PINX1: variants seen among roughly 807,000 people sequenced by gnomAD.
PINX1 encodes the protein PIN2 (TERF1) interacting telomerase inhibitor 1.
In PINX1, 34 loss-of-function variants were observed where a neutral mutation model predicts 25.4. The ratio of observed to expected loss-of-function variants is 1.34; its 90% CI spans 1.02 to 1.78. The LOEUF is 1.78. Among genes scored for constraint, PINX1 ranks in the 40% most tolerant of loss-of-function variants. The pLI, the probability that PINX1 is intolerant of heterozygous loss-of-function variation, is 0.00. For synonymous variants in PINX1, 197 were observed against 147.7 expected (o/e 1.33, Z -2.42); for missense variants, 592 against 404.9 (o/e 1.46, Z -3.97).
At chr8:10,781,592 A>C (rs939735515) in intron 6 of PINX1, among the ~76,000 whole-genome samples, 1 of 152,254 alleles carries the variant, frequency 6.6e-6, no homozygotes, top group Non-Finnish European at 1.5e-5. Context: ...AAGATGCTCA[A>C]CATCACTAAC....
At chr8:10,825,579 G>A (rs938082066) in intron 5 of PINX1, 1 of 401,728 alleles carries the variant, frequency 2.5e-6, no homozygotes, top group Non-Finnish European at 5.1e-6. Flanking sequence ...CTAGGGAGGT[G>A]GTGATGAAGG....
chr8:10,829,044 T>G (rs1289564725), intron 4 of PINX1, among the ~76,000 whole-genome samples: 1 of 152,154 alleles, frequency 6.6e-6, no homozygotes, highest in Admixed American at 6.5e-5. Context: ...CCCCAGCACC[T>G]TGAGAGGCTG....
chr8:10,811,678 G>A lies in PINX1; in HGVS notation c.471+8515C>T, dbSNP rs142341190. Among the ~76,000 whole-genome samples, 595 of 152,294 alleles carry A rather than the reference G, an allele frequency of 3.9e-3. 2 individuals are homozygous for A. The highest frequency in any genetic ancestry group is 0.034 in the Middle Eastern group (10 of 294). Reference sequence around the variant, plus strand: ...AGGCACCTGCTCCCCAGGCAAGCTCGGGGTGCCTGCATAACTCACTGATCA... The same window carrying A: ...AGGCACCTGCTCCCCAGGCAAGCTCAGGGTGCCTGCATAACTCACTGATCA... On this transcript the variant is annotated intron_variant, in intron 6 of 6. Coordinates refer to ENST00000314787, the MANE Select transcript of PINX1 (RefSeq NM_017884.6).
rs557261190 is a variant in PINX1 at position 10,804,941 on chromosome 8, C to T, written c.471+15252G>A. On this transcript the variant is annotated intron_variant, in intron 6 of 6. Coordinates refer to ENST00000314787, the MANE Select transcript of PINX1 (RefSeq NM_017884.6). The stretch of plus-strand genomic sequence containing the variant: ...CTTTAATCAAAAACTCAAGAAGGAC[C>T]CCCGAGAAGACTTGGTTTGACGCTA... 3.3e-5 allele frequency among the ~76,000 whole-genome samples: 5 copies of T among 151,962 alleles called. No homozygotes were observed. The South Asian group carries it at 6.3e-4, about 19-fold the overall frequency.
chr8:10,784,226 G>T (rs886095852), intron 6 of PINX1, among the ~76,000 whole-genome samples: 1 of 152,160 alleles, frequency 6.6e-6, no homozygotes, highest in Non-Finnish European at 1.5e-5. Flanking sequence ...GATCTAAAAC[G>T]AAATGACTGA....
At chr8:10,770,956 G>A (rs1354784534) in intron 6 of PINX1, among the ~76,000 whole-genome samples, 2 of 152,286 alleles carry the variant, frequency 1.3e-5, no homozygotes, top group East Asian at 3.9e-4. Context: ...TAGACTCCCA[G>A]AGATCAAGGG....
At position 10,765,201 on chromosome 8, in the gene PINX1, T is replaced by C. The variant is rs369959252; in HGVS notation, c.*200A>G. ...ATTTATTTGTGTCTGAGAGCCACGATTGAGAACATTAAAAAGGTCCTCCTG... is the reference window on the plus strand; with the variant it reads ...ATTTATTTGTGTCTGAGAGCCACGACTGAGAACATTAAAAAGGTCCTCCTG... On this transcript the variant is annotated 3_prime_UTR_variant, in exon 7 of 7. Transcript: ENST00000314787. 15 of 555,340 alleles carry C rather than the reference T, an allele frequency of 2.7e-5. No homozygotes were observed. Among genetic ancestry groups the C allele is most frequent in the East Asian group, 2.3e-4 (8 of 34,390 alleles). 34.4% of individuals were successfully genotyped at this position (555,340 alleles called of 1,614,324 possible).
chr8:10,804,249 G>A (rs774866765), intron 6 of PINX1, among the ~76,000 whole-genome samples: 7 of 152,206 alleles, frequency 4.6e-5, no homozygotes, highest in Non-Finnish European at 5.9e-5. Context: ...GTTAGCCGCC[G>A]GGGGCAGTGA....
intron 6 of PINX1, among the ~76,000 whole-genome samples, chr8:10,775,427 T>TTTTG (rs1801361889): frequency 6.7e-6 from 1 of 149,116 alleles, no homozygotes; most frequent in South Asian, 2.1e-4. Context: ...TTTTTTTTTT[T>TTTTG]TTTTTTTTTT....
At chr8:10,807,108 A>C (rs546437138) in intron 6 of PINX1, among the ~76,000 whole-genome samples, 3 of 152,170 alleles carry the variant, frequency 2.0e-5, no homozygotes, top group Non-Finnish European at 4.4e-5. Context: ...AGAGGAACTC[A>C]GAGGACCAAG....
At chr8:10,815,929 T>C (rs188602235) in intron 6 of PINX1, among the ~76,000 whole-genome samples, 1 of 152,322 alleles carries the variant, frequency 6.6e-6, no homozygotes, top group African/African-American at 2.4e-5. Context: ...AATCGGCCTT[T>C]AGCACTGGGT....
intron 5 of PINX1, among the ~76,000 whole-genome samples, chr8:10,821,337 ACT>A (rs932057652): frequency 1.3e-5 from 2 of 151,904 alleles, no homozygotes; most frequent in Non-Finnish European, 2.9e-5. Context: ...AAAACAAAAC[ACT>A]CTTCAATTTA....
chr8:10,799,701 C>T (rs992600667), intron 6 of PINX1, among the ~76,000 whole-genome samples: 5 of 152,218 alleles, frequency 3.3e-5, no homozygotes, highest in African/African-American at 1.2e-4. Context: ...GAACCACAAT[C>T]CCTGCATGTC....
intron 5 of PINX1, 175 bp from the exon 6 acceptor site, chr8:10,820,444 ATTAATTAAATT>A (rs1290391955): frequency 1.5e-6 from 1 of 651,936 alleles, no homozygotes; most frequent in Non-Finnish European, 2.8e-6. Flanking sequence ...AGTAAACAAA[ATTAATTAAATT>A]TTAAAACCAA....
chr8:10,818,233 T>C (rs749792389), intron 6 of PINX1, among the ~76,000 whole-genome samples: 6 of 152,120 alleles, frequency 3.9e-5, no homozygotes, highest in Non-Finnish European at 8.8e-5. Flanking sequence ...TGCATCAAGG[T>C]TGATCATCTC....
intron 4 of PINX1, among the ~76,000 whole-genome samples, chr8:10,831,035 G>A (rs1232555716): frequency 6.6e-6 from 1 of 152,204 alleles, no homozygotes; most frequent in Non-Finnish European, 1.5e-5. Flanking sequence ...GCCAAGATAT[G>A]GAATCAACCT....
At chr8:10,806,840 G>C (rs1449464943) in intron 6 of PINX1, among the ~76,000 whole-genome samples, 1 of 152,120 alleles carries the variant, frequency 6.6e-6, no homozygotes, top group Non-Finnish European at 1.5e-5. Context: ...TAGTCCACCA[G>C]AGCCCACGTC....
At chr8:10,819,587 A>G (rs1205316073) in intron 6 of PINX1, among the ~76,000 whole-genome samples, 4 of 152,254 alleles carry the variant, frequency 2.6e-5, no homozygotes, top group African/African-American at 9.6e-5. Flanking sequence ...GCAATATTAT[A>G]CAGCCCAATT....
intron 4 of PINX1, among the ~76,000 whole-genome samples, chr8:10,829,312 G>A (rs1236620173): frequency 6.7e-6 from 1 of 149,506 alleles, no homozygotes; most frequent in Non-Finnish European, 1.5e-5. Flanking sequence ...AAAAGAGAGA[G>A]AGAAAATAAA....
Sources: allele counts gnomAD v4.1 joint callset (sites outside exome capture counted in the v4.1 genomes callset), GRCh38; gene constraint gnomAD v4.1.1; transcripts MANE v1.5; gene names NCBI Gene and HGNC (gene_info 2026-07-23, HGNC 2026-07-21).